CYTH4: variants seen among roughly 807,000 people sequenced by gnomAD.
CYTH4 encodes cytohesin 4.
Under a neutral mutation model 57.5 loss-of-function variants are expected in CYTH4, and 22 were observed. The observed-to-expected ratio is 0.38, with a 90% CI of 0.27 to 0.55. CYTH4 has a LOEUF of 0.55. Among genes scored for constraint, CYTH4 ranks in the 20% least tolerant of loss-of-function variants. CYTH4 has a pLI of 0.74. For missense variants in CYTH4, 420 were observed against 535.6 expected (o/e 0.78, Z 2.13); for synonymous variants, 186 against 206.5 (o/e 0.90, Z 0.85).
intron 7 of CYTH4, among the ~76,000 whole-genome samples, chr22:37,302,284 T>C (rs1245797749): frequency 6.6e-6 from 1 of 152,096 alleles, no homozygotes; most frequent in Admixed American, 6.5e-5. Context: ...CAGCACAGAG[T>C]ATGTACTCAA....
Position 37,313,808 on chromosome 22 carries a change from A to G in CYTH4, c.*297A>G. Reference sequence around the variant, plus strand: ...GCAGCCAGAGGAAAACCAGCCCCAGAATGCTGCAACTTCTCTTCTCTCTGG... The same window carrying G: ...GCAGCCAGAGGAAAACCAGCCCCAGGATGCTGCAACTTCTCTTCTCTCTGG... On this transcript the variant is annotated 3_prime_UTR_variant, in exon 13 of 13. Transcript: ENST00000248901. 2.4e-6 allele frequency: 1 copy of G among 409,192 alleles called. No individual in the cohort carries two copies. The highest frequency in any genetic ancestry group is 4.4e-6 in the Non-Finnish European group (1 of 225,766). 25.3% of individuals were successfully genotyped at this position (409,192 alleles called of 1,614,324 possible).
Position 37,303,410 on chromosome 22 carries a change from A to G in CYTH4, c.696+8A>G, listed in dbSNP as rs1162265159. On this transcript the variant is annotated splice_region_variant and intron_variant, in intron 8 of 12. Transcript: ENST00000248901. ...CCCGAGGACCAGCTGCGGGTGAGAG[A>G]GGCGCAGCCCACCCAGCCTGGCCCC... The G allele has an allele frequency of 2.9e-5, 46 of 1,611,608 alleles. No individual in the cohort carries two copies. The highest frequency in any genetic ancestry group is 3.7e-5 in the Non-Finnish European group (44 of 1,179,018).
chr22:37,302,626 A>G (rs56016561), intron 7 of CYTH4, among the ~76,000 whole-genome samples: 9,341 of 152,258 alleles, frequency 0.061, 355 homozygotes, highest in African/African-American at 0.1. Context: ...GTACTTCCCA[A>G]GGTCAACCAG....
intron 6 of CYTH4, 88 bp from the exon 7 acceptor site, chr22:37,300,819 A>G: frequency 9.5e-7 from 1 of 1,052,714 alleles, no homozygotes; most frequent in South Asian, 1.3e-5. Flanking sequence ...CAGGATACAG[A>G]GACTAAACCT....
intron 1 of CYTH4, among the ~76,000 whole-genome samples, chr22:37,289,995 G>A (rs1344709692): frequency 6.6e-6 from 1 of 152,248 alleles, no homozygotes; most frequent in African/African-American, 2.4e-5. Flanking sequence ...TCTTCGCTGT[G>A]GGGATGATGG....
At chr22:37,303,464 A>G in intron 8 of CYTH4, 62 bp downstream of exon 8, 1 of 1,556,518 alleles carries the variant, frequency 6.4e-7, no homozygotes, top group Non-Finnish European at 8.7e-7. Context: ...CTGTCCTTAG[A>G]TGGATGGCCC....
intron 8 of CYTH4, among the ~76,000 whole-genome samples, chr22:37,308,443 TG>T (rs1387853230): frequency 6.6e-6 from 1 of 150,542 alleles, no homozygotes; most frequent in African/African-American, 2.5e-5. Flanking sequence ...CGTGCATGTG[TG>T]TGAGTGTGCA....
intron 1 of CYTH4, among the ~76,000 whole-genome samples, chr22:37,285,350 T>TG (rs1555911203): frequency 2.1e-4 from 32 of 151,382 alleles, no homozygotes; most frequent in African/African-American, 7.8e-4. Flanking sequence ...AAACGGGGTG[T>TG]GTGGTGGTGG....
intron 6 of CYTH4, 48 bp from the exon 7 acceptor site, chr22:37,300,859 C>T (rs754312402): frequency 7.8e-6 from 12 of 1,539,076 alleles, no homozygotes; most frequent in Non-Finnish European, 1.1e-5. Flanking sequence ...GTCTGGGGCC[C>T]GCGAGGGCCC....
intron 8 of CYTH4, among the ~76,000 whole-genome samples, chr22:37,306,939 G>A (rs755319473): frequency 4.6e-5 from 7 of 152,258 alleles, no homozygotes; most frequent in Admixed American, 6.5e-5. Context: ...TCAGCCAGAT[G>A]TGAGTCATTC....
intron 1 of CYTH4, among the ~76,000 whole-genome samples, chr22:37,285,131 G>A (rs1017974269): frequency 6.6e-6 from 1 of 152,208 alleles, no homozygotes; most frequent in African/African-American, 2.4e-5. Context: ...GGGAAGTGAG[G>A]CCAGCTGTCC....
intron 9 of CYTH4, among the ~76,000 whole-genome samples, chr22:37,309,779 G>C (rs1415641840): frequency 1.3e-5 from 2 of 152,218 alleles, no homozygotes; most frequent in Non-Finnish European, 2.9e-5. Flanking sequence ...AGGGCACAGA[G>C]GGTTAGGTGT....
chr22:37,295,946 G>A lies in CYTH4; in HGVS notation c.168-53G>A. 6.4e-7 allele frequency: 1 copy of A among 1,571,878 alleles called. No homozygotes were observed. The highest frequency in any genetic ancestry group is 8.7e-7 in the Non-Finnish European group (1 of 1,152,370). ...GAGGCAAGGGTCCTTGGGGAGTGGA[G>A]AGGGTAATTCAGGGTCCTGGGGCAG... is the stretch of plus-strand genomic sequence containing the variant. On this transcript the variant is annotated intron_variant, in intron 3 of 12. Transcript: ENST00000248901. The surrounding 1 kb of genome is among the most constrained non-coding windows in gnomAD (Gnocchi z 4.1).
rs371803659 is a variant in CYTH4 at position 37,308,885 on chromosome 22, CGTGT to C, written c.697-318_697-315del. Reference sequence around the variant, plus strand: ...GTGCATACATGTGCGTGTGTGTGCACGTGTGTGTGTGTAAGCATGTATATTTGTA... The same window carrying C: ...GTGCATACATGTGCGTGTGTGTGCACGTGTGTGTAAGCATGTATATTTGTA... On this transcript the variant is annotated intron_variant, in intron 8 of 12. Coordinates refer to ENST00000248901, the MANE Select transcript of CYTH4 (RefSeq NM_013385.5). Among the ~76,000 whole-genome samples, 6 of 151,384 alleles carry C rather than the reference CGTGT, an allele frequency of 4.0e-5. No individual in the cohort carries two copies. In the South Asian group the frequency reaches 8.5e-4, roughly 21 times the overall value.
chr22:37,289,790 G>A (rs942761798), intron 1 of CYTH4, among the ~76,000 whole-genome samples: 1 of 152,188 alleles, frequency 6.6e-6, no homozygotes, highest in Admixed American at 6.5e-5. Context: ...CCAGGACCCG[G>A]TGCCATTCCA....
At chr22:37,309,819 A>C in intron 9 of CYTH4, 1 of 310,160 alleles carries the variant, frequency 3.2e-6, no homozygotes, top group Non-Finnish European at 6.8e-6. Flanking sequence ...GGATGACAGG[A>C]TGTGGCTTAG....
At position 37,309,316 on chromosome 22, in the gene CYTH4, C is replaced by G. The variant is rs1377296547; in HGVS notation, c.801C>G (p.Leu267=). Residue 267 remains leucine (L), a synonymous_variant, in exon 9 of 13, where the codon CTC becomes CTG. Coordinates refer to ENST00000248901, the MANE Select transcript of CYTH4 (RefSeq NM_013385.5). ...ATCCAGACCGGGAGGGTTGGCTGCT[C>G]AAGCTAGGTGAGAGACCGACAGACA... ...FFNPDREGWL[L]KLGGRVKTWK... is the part of the protein sequence containing the mutation. The G allele has an allele frequency of 9.3e-6, 15 of 1,613,912 alleles. No individual in the cohort carries two copies. The Admixed American group carries it at 2.5e-4, about 27-fold the overall frequency.
At chr22:37,299,361 C>T in intron 6 of CYTH4, 55 bp downstream of exon 6, 2 of 1,494,338 alleles carry the variant, frequency 1.3e-6, no homozygotes, top group East Asian at 2.3e-5. Context: ...GCCCCAGTGG[C>T]TGGGGGTGTC....
intron 5 of CYTH4, 26 bp from the exon 6 acceptor site, chr22:37,299,200 A>T: frequency 7.1e-7 from 1 of 1,408,952 alleles, no homozygotes; most frequent in Non-Finnish European, 1.0e-6. Flanking sequence ...AGTGTGTCCC[A>T]CCCTCCCTTC....
Sources: gnomAD v4.1 joint callset for allele counts (sites outside exome capture counted in the v4.1 genomes callset) on GRCh38, gnomAD v4.1.1 for gene constraint, Gnocchi (gnomAD v3.1) non-coding constraint, MANE v1.5 for transcripts, NCBI Gene and HGNC (gene_info 2026-07-23, HGNC 2026-07-21) for gene names.